The following CA10 variants were observed in gnomAD, a reference collection of about 807,000 sequenced individuals.
The protein encoded by CA10 is carbonic anhydrase 10 (inactive), also known as carbonic anhydrase-related protein 10.
A neutral mutation model predicts 44.2 loss-of-function variants in CA10; 14 were observed. The observed-to-expected ratio is 0.32, with a 90% CI of 0.21 to 0.50. CA10 has a LOEUF of 0.50. Among genes scored for constraint, CA10 ranks in the 20% least tolerant of loss-of-function variants. The probability of loss-of-function intolerance (pLI) is 0.99; values close to 1 mark genes in which losing one functional copy is unlikely to be tolerated. For missense variants in CA10, 350 were observed against 409.7 expected (o/e 0.85, Z 1.26); for synonymous variants, 159 against 141.6 (o/e 1.12, Z -0.87).
chr17:51,821,615 A>G (rs1907805894), intron 3 of CA10, among the ~76,000 whole-genome samples: 6 of 152,016 alleles, frequency 3.9e-5, no homozygotes, highest in Admixed American at 3.3e-4. Flanking sequence ...AAGAACTTGT[A>G]AAAACTGAAG....
rs796534665 is a variant in CA10, at chr17:51,854,098, G to A, written c.279+76892C>T. Among the ~76,000 whole-genome samples the A allele has an allele frequency of 3.9e-5, 6 of 152,276 alleles. No homozygotes were observed. The South Asian group carries it at 6.2e-4, about 16-fold the overall frequency. ...ACCTTCTGGTCCTACACTTGGCCACGGATGAGAGGCACCTTCATCTCGCCA... is the reference window on the plus strand; with the variant it reads ...ACCTTCTGGTCCTACACTTGGCCACAGATGAGAGGCACCTTCATCTCGCCA... On this transcript the variant is annotated intron_variant, in intron 3 of 8. Coordinates refer to ENST00000451037, the MANE Select transcript of CA10 (RefSeq NM_020178.5).
chr17:52,017,902 G>C (rs1986019000), intron 2 of CA10, among the ~76,000 whole-genome samples: 1 of 152,268 alleles, frequency 6.6e-6, no homozygotes, highest in South Asian at 2.1e-4. Context: ...GGTTTCATGA[G>C]CCAGAACTGG....
At chr17:51,962,540 G>A (rs1470945261) in intron 2 of CA10, among the ~76,000 whole-genome samples, 1 of 152,114 alleles carries the variant, frequency 6.6e-6, no homozygotes, top group African/African-American at 2.4e-5. Flanking sequence ...TATATACCCA[G>A]GCATGTTGGC....
rs373580306 is a variant in CA10, at chr17:51,915,260, C to T, written c.279+15730G>A. ...TCCACGTAGGAAATACCAGATCTCACGGTAATCGGCAAGGACAATTTGTTC... is the reference window on the plus strand; with the variant it reads ...TCCACGTAGGAAATACCAGATCTCATGGTAATCGGCAAGGACAATTTGTTC... On this transcript the variant is annotated intron_variant, in intron 3 of 8. Transcript: ENST00000451037. 5.3e-5 allele frequency among the ~76,000 whole-genome samples: 8 copies of T among 152,242 alleles called. No homozygotes were observed. In the East Asian group the frequency reaches 9.7e-4, roughly 18 times the overall value.
chr17:51,936,060 T>C (rs1301150830), intron 2 of CA10, among the ~76,000 whole-genome samples: 4 of 152,180 alleles, frequency 2.6e-5, no homozygotes, highest in African/African-American at 7.2e-5. Context: ...ATACAGCTTA[T>C]GTGAATTTGC....
chr17:51,757,004 A>G (rs1905097856), intron 3 of CA10, among the ~76,000 whole-genome samples: 1 of 152,108 alleles, frequency 6.6e-6, no homozygotes, highest in African/African-American at 2.4e-5. Flanking sequence ...AAATGTTGGG[A>G]GGCCACTCAG....
chr17:52,063,830 C>A (rs1302370331), intron 2 of CA10, among the ~76,000 whole-genome samples: 1 of 152,148 alleles, frequency 6.6e-6, no homozygotes, highest in Non-Finnish European at 1.5e-5. Context: ...TTTACGGAAA[C>A]ACAAATGGAA....
intron 2 of CA10, among the ~76,000 whole-genome samples, chr17:52,001,611 A>C (rs1016600038): frequency 6.6e-6 from 1 of 151,870 alleles, no homozygotes. Flanking sequence ...ATGCCACGTA[A>C]TCTCTTACCA....
chr17:51,672,830 C>T (rs1267432824), intron 4 of CA10, among the ~76,000 whole-genome samples: 2 of 152,212 alleles, frequency 1.3e-5, no homozygotes, highest in Admixed American at 6.5e-5. Flanking sequence ...CCAGATCCCT[C>T]ACCCTGCCAG....
intron 4 of CA10, among the ~76,000 whole-genome samples, chr17:51,660,103 G>A (rs2143307705): frequency 6.6e-6 from 1 of 152,302 alleles, no homozygotes; most frequent in South Asian, 2.1e-4. Flanking sequence ...GCTATGTCTT[G>A]CCCATGATTA....
chr17:52,011,704 G>A (rs972947778), intron 2 of CA10, among the ~76,000 whole-genome samples: 1 of 152,020 alleles, frequency 6.6e-6, no homozygotes, highest in Admixed American at 6.6e-5. Context: ...CGGCATGTAT[G>A]ATAAGTGATA....
chr17:51,685,274 C>T (rs555196322), intron 4 of CA10, among the ~76,000 whole-genome samples: 53 of 152,142 alleles, frequency 3.5e-4, no homozygotes, highest in East Asian at 1.4e-3. Flanking sequence ...CCAGATTTGC[C>T]GTCTGTAAAT....
chr17:51,751,039 G>A (rs983561085), intron 3 of CA10, among the ~76,000 whole-genome samples: 1 of 152,190 alleles, frequency 6.6e-6, no homozygotes, highest in African/African-American at 2.4e-5. Context: ...GTAGTTTACT[G>A]AATTTCTTGA....
intron 4 of CA10, among the ~76,000 whole-genome samples, chr17:51,740,263 A>C (rs901429930): frequency 6.6e-6 from 1 of 152,196 alleles, no homozygotes; most frequent in East Asian, 1.9e-4. Flanking sequence ...TAGGGAGTTA[A>C]CAGTCTGATT....
At chr17:51,687,004 A>G (rs1265576873) in intron 4 of CA10, among the ~76,000 whole-genome samples, 1 of 152,176 alleles carries the variant, frequency 6.6e-6, no homozygotes, top group Non-Finnish European at 1.5e-5. Context: ...TCCCTCTTGT[A>G]TCCAAAGTAA....
At chr17:52,128,872 G>T (rs1361595428) in intron 1 of CA10, among the ~76,000 whole-genome samples, 4 of 152,116 alleles carry the variant, frequency 2.6e-5, no homozygotes, top group Non-Finnish European at 5.9e-5. Flanking sequence ...TAAACATCTG[G>T]ATACTATCTT....
chr17:51,755,732 ATGT>A (rs1323377787), intron 3 of CA10, among the ~76,000 whole-genome samples: 4 of 152,202 alleles, frequency 2.6e-5, no homozygotes, highest in African/African-American at 9.6e-5. Context: ...TATGTGTCAG[ATGT>A]TGTACCACTT....
intron 2 of CA10, among the ~76,000 whole-genome samples, chr17:51,952,428 G>A (rs1054469125): frequency 1.3e-5 from 2 of 152,026 alleles, no homozygotes; most frequent in South Asian, 4.1e-4. Context: ...ACTGGCTCAT[G>A]CTCAGCTATT....
chr17:51,634,843 A>G (rs745519298), intron 7 of CA10, among the ~76,000 whole-genome samples: 10 of 152,248 alleles, frequency 6.6e-5, no homozygotes, highest in African/African-American at 1.4e-4. Context: ...TTTCAAATGC[A>G]TAATGACATC....
Sources: allele counts gnomAD v4.1 joint callset (sites outside exome capture counted in the v4.1 genomes callset), GRCh38; gene constraint gnomAD v4.1.1; transcripts MANE v1.5; gene names NCBI Gene and HGNC (gene_info 2026-07-23, HGNC 2026-07-21).